Variants in ZNF420 observed in about 807,000 individuals in gnomAD.
The protein encoded by ZNF420 is zinc finger protein 420.
ZNF420 carries 31 observed loss-of-function variants against 44.7 expected under a neutral mutation model. That is an observed-to-expected ratio of 0.69 (90% CI 0.52 to 0.94). The LOEUF (loss-of-function observed/expected upper bound fraction) is 0.94. Ranked by LOEUF, ZNF420 falls within the 40% of genes least tolerant of loss-of-function variation. ZNF420 has a pLI of 0.00. For missense variants in ZNF420, 681 were observed against 827.9 expected (o/e 0.82, Z 2.18); for synonymous variants, 245 against 267.4 (o/e 0.92, Z 0.82).
intron 1 of ZNF420, among the ~76,000 whole-genome samples, chr19:37,042,688 T>G (rs1967476936): frequency 6.6e-6 from 1 of 152,244 alleles, no homozygotes; most frequent in East Asian, 1.9e-4. Context: ...GGGCTTTGTT[T>G]TTTTATTATG....
intron 1 of ZNF420, among the ~76,000 whole-genome samples, chr19:37,022,873 C>G (rs1281537707): frequency 1.3e-5 from 2 of 152,272 alleles, no homozygotes; most frequent in African/African-American, 4.8e-5. Flanking sequence ...CGCGGTGGCT[C>G]ACGCCTGTAA....
At chr19:37,021,936 CAAAAAA>C (rs60559933) in intron 1 of ZNF420, among the ~76,000 whole-genome samples, 2 of 84,586 alleles carry the variant, frequency 2.4e-5, no homozygotes, top group Admixed American at 1.4e-4. Flanking sequence ...CAGTCTGTCT[CAAAAAA>C]AAAAAAAAAA....
rs1396415714 is a variant in ZNF420 at position 37,012,760 on chromosome 19, ATGTCTCTGTGTGTG to A, written c.-125+4682_-125+4695del. Among the ~76,000 whole-genome samples, 585 of 102,004 alleles carry A rather than the reference ATGTCTCTGTGTGTG, an allele frequency of 5.7e-3. 8 individuals are homozygous for A. Among genetic ancestry groups the A allele is most frequent in the African/African-American group, 0.021 (539 of 25,934 alleles). 66.9% of individuals were successfully genotyped at this position (102,004 alleles called of 152,430 possible). On this transcript the variant is annotated intron_variant, in intron 1 of 4. Coordinates refer to the ZNF420 transcript ENST00000587029. Reference sequence around the variant, plus strand: ...GGGTGTGCTTCTGTGCCACTGCTATATGTCTCTGTGTGTGTGTGTGTGTGTGTGTGTGTGTGTGT... The same window carrying A: ...GGGTGTGCTTCTGTGCCACTGCTATATGTGTGTGTGTGTGTGTGTGTGTGT...
chr19:37,012,073 C>G (rs2074573649), intron 1 of ZNF420, among the ~76,000 whole-genome samples: 1 of 152,178 alleles, frequency 6.6e-6, no homozygotes, highest in African/African-American at 2.4e-5. Flanking sequence ...TTGGTGAGAT[C>G]CAAAATCTGA....
At chr19:37,122,798 A>G (rs962251773) in intron 4 of ZNF420, among the ~76,000 whole-genome samples, 4 of 152,138 alleles carry the variant, frequency 2.6e-5, no homozygotes, top group Admixed American at 2.0e-4. Context: ...TTTTGTATAT[A>G]AAGGTACGCC....
intron 2 of ZNF420, among the ~76,000 whole-genome samples, chr19:37,085,019 C>T (rs1395962406): frequency 6.6e-6 from 1 of 151,996 alleles, no homozygotes; most frequent in Non-Finnish European, 1.5e-5. Flanking sequence ...TTTCTTCTTA[C>T]TTTCAGCTTC....
chr19:37,061,093 C>G (rs1967871673), intron 1 of ZNF420, among the ~76,000 whole-genome samples: 1 of 152,164 alleles, frequency 6.6e-6, no homozygotes, highest in East Asian at 1.9e-4. Context: ...ACCTGTGCCC[C>G]CCTTCCTCCG....
At position 37,127,884 on chromosome 19, in the gene ZNF420, A is replaced by G. The variant is rs776641782; in HGVS notation, c.893A>G (p.Lys298Arg). 40 of 1,613,980 alleles carry G rather than the reference A, an allele frequency of 2.5e-5. No individual in the cohort carries two copies. Among genetic ancestry groups the G allele is most frequent in the Admixed American group, 3.3e-5 (2 of 60,004 alleles). ...CAGCTCTCACAACTTATTCTGCATAAGAGAATTCATACCGGTGAGAAACCC... is the reference window on the plus strand; with the variant it reads ...CAGCTCTCACAACTTATTCTGCATAGGAGAATTCATACCGGTGAGAAACCC... ...FTQLSQLILH[K>R]RIHTGEKPYE... Residue 298 changes from lysine (K) to arginine (R), a missense_variant, in exon 5 of 5, where the codon AAG (lysine) becomes AGG (arginine). Lys to Arg is a conservative substitution (Grantham distance 26, BLOSUM62 2). Transcript: ENST00000337995.
chr19:37,050,031 T>G (rs959625024), intron 1 of ZNF420, among the ~76,000 whole-genome samples: 1 of 152,220 alleles, frequency 6.6e-6, no homozygotes, highest in African/African-American at 2.4e-5. Flanking sequence ...GTTGTAGATA[T>G]GCGGCATTAT....
At position 37,125,316 on chromosome 19, in the gene ZNF420, G is replaced by C. The variant is rs547738160; in HGVS notation, c.137-1812G>C. On this transcript the variant is annotated intron_variant, in intron 4 of 4. Coordinates refer to ENST00000337995, the MANE Select transcript of ZNF420 (RefSeq NM_144689.5). ...ATGAGGCAAGGCATGAAGAAACAAA[G>C]GAAACTGTGAAGTAAGGATAAGTAA... Among the ~76,000 whole-genome samples the C allele has an allele frequency of 1.4e-3, 216 of 152,216 alleles. 11 individuals are homozygous for C. The South Asian group carries it at 0.041, about 29-fold the overall frequency.
intron 1 of ZNF420, among the ~76,000 whole-genome samples, chr19:37,016,315 T>G (rs1272601776): frequency 6.6e-6 from 1 of 152,224 alleles, no homozygotes; most frequent in Non-Finnish European, 1.5e-5. Flanking sequence ...CTGTTAGGAA[T>G]TTCACAGAGC....
At chr19:37,114,795 G>A (rs1394170455) in intron 4 of ZNF420, among the ~76,000 whole-genome samples, 2 of 152,048 alleles carry the variant, frequency 1.3e-5, no homozygotes, top group Admixed American at 1.3e-4. Flanking sequence ...CAGTTCTAAA[G>A]CTACTTTAAT....
chr19:37,046,540 A>G (rs1464161620), intron 1 of ZNF420, among the ~76,000 whole-genome samples: 1 of 152,150 alleles, frequency 6.6e-6, no homozygotes, highest in African/African-American at 2.4e-5. Flanking sequence ...CAATAAAACA[A>G]TTTTTTTAAA....
chr19:37,073,796 AAAAAGAAATACCTGTGTC>A (rs1968102413), upstream of ZNF420, among the ~76,000 whole-genome samples: 1 of 151,890 alleles, frequency 6.6e-6, no homozygotes, highest in African/African-American at 2.4e-5. Context: ...AAAAAGGAAA[AAAAAGAAATACCTGTGTC>A]AAAAAGTAAG....
At chr19:37,039,388 G>A (rs1967413557) in intron 1 of ZNF420, among the ~76,000 whole-genome samples, 1 of 152,174 alleles carries the variant, frequency 6.6e-6, no homozygotes, top group African/African-American at 2.4e-5. Context: ...ATGTTGTGTT[G>A]GCAGGCATGA....
chr19:37,098,278 AT>A, intron 4 of ZNF420, among the ~76,000 whole-genome samples: 2 of 152,234 alleles, frequency 1.3e-5, no homozygotes, highest in South Asian at 4.1e-4. Context: ...TTTGGATAAT[AT>A]TGCCAGTAAA....
upstream of ZNF420, among the ~76,000 whole-genome samples, chr19:37,073,892 A>G (rs1329505783): frequency 6.6e-6 from 1 of 152,192 alleles, no homozygotes; most frequent in East Asian, 1.9e-4. Context: ...AATTTGGAAC[A>G]ATTTGAGCAA....
At chr19:37,115,338 C>T (rs914109833) in intron 4 of ZNF420, among the ~76,000 whole-genome samples, 4 of 152,058 alleles carry the variant, frequency 2.6e-5, no homozygotes, top group African/African-American at 9.7e-5. Context: ...ATACGGAGGA[C>T]CCGCGCCAGC....
chr19:37,021,541 A>G (rs1273167486), intron 1 of ZNF420, among the ~76,000 whole-genome samples: 2 of 152,150 alleles, frequency 1.3e-5, no homozygotes, highest in African/African-American at 2.4e-5. Flanking sequence ...TGCTTTGATT[A>G]TAGGCATGAA....
Sources: allele counts gnomAD v4.1 joint callset (sites outside exome capture counted in the v4.1 genomes callset), GRCh38; gene constraint gnomAD v4.1.1; transcripts MANE v1.5; gene names NCBI Gene and HGNC (gene_info 2026-07-23, HGNC 2026-07-21).